NTNG1: variants seen among roughly 807,000 people sequenced by gnomAD.
The protein encoded by NTNG1 is netrin-G1.
In NTNG1, 16 loss-of-function variants were observed where a neutral mutation model predicts 54.0. The observed-to-expected ratio is 0.30, with a 90% CI of 0.20 to 0.45. NTNG1 has a LOEUF of 0.45. NTNG1 is among the 20% of genes least tolerant of loss of function. The pLI is 1.00. For synonymous variants in NTNG1, 255 were observed against 263.1 expected (o/e 0.97, Z 0.30); for missense variants, 530 against 678.7 (o/e 0.78, Z 2.43).
intron 1 of NTNG1, chr1:107,143,365 A>G (rs1159380169): frequency 6.6e-6 from 1 of 152,140 alleles, no homozygotes; most frequent in African/African-American, 2.4e-5. Context: ...GTATATTTGC[A>G]AGTGGTGCAA....
chr1:107,169,519 A>G (rs1297039203), intron 2 of NTNG1, among the ~76,000 whole-genome samples: 1 of 152,026 alleles, frequency 6.6e-6, no homozygotes, highest in African/African-American at 2.4e-5. Context: ...GAAGCACCTC[A>G]AGCAGGAGTA....
intron 7 of NTNG1, among the ~76,000 whole-genome samples, chr1:107,475,715 G>A (rs747987832): frequency 3.3e-5 from 5 of 152,170 alleles, no homozygotes; most frequent in African/African-American, 4.8e-5. Context: ...TATGACTGAT[G>A]CCCTGACCCA....
At chr1:107,456,486 G>A (rs949497579) in intron 7 of NTNG1, among the ~76,000 whole-genome samples, 2 of 152,076 alleles carry the variant, frequency 1.3e-5, no homozygotes, top group Admixed American at 6.5e-5. Context: ...AGTATTGGAG[G>A]ATTACTCCCA....
intron 3 of NTNG1, among the ~76,000 whole-genome samples, chr1:107,373,367 A>C (rs1671041372): frequency 6.6e-6 from 1 of 151,790 alleles, no homozygotes; most frequent in Admixed American, 6.6e-5. Flanking sequence ...TAGTACTTCC[A>C]TTTCTCCCCT....
At chr1:107,294,526 AC>A (rs1291997134) in intron 2 of NTNG1, among the ~76,000 whole-genome samples, 7 of 152,150 alleles carry the variant, frequency 4.6e-5, no homozygotes, top group African/African-American at 1.7e-4. Context: ...CCACTACTAA[AC>A]CTATAATCCG....
intron 2 of NTNG1, among the ~76,000 whole-genome samples, chr1:107,314,792 CTT>C (rs1489020106): frequency 1.3e-4 from 20 of 152,140 alleles, no homozygotes; most frequent in Non-Finnish European, 2.6e-4. Flanking sequence ...CGTGTCCTGA[CTT>C]TTGAGACTTA....
intron 2 of NTNG1, among the ~76,000 whole-genome samples, chr1:107,191,306 C>G (rs993845700): frequency 2.0e-4 from 31 of 152,004 alleles, no homozygotes; most frequent in Non-Finnish European, 2.9e-4. Flanking sequence ...TGTTTGAGTT[C>G]ATTGTAGATT....
At chr1:107,230,831 C>T (rs887264463) in intron 2 of NTNG1, among the ~76,000 whole-genome samples, 5 of 151,950 alleles carry the variant, frequency 3.3e-5, no homozygotes, top group African/African-American at 1.2e-4. Context: ...CACTAGTTGG[C>T]CTTGGTAGAT....
intron 5 of NTNG1, among the ~76,000 whole-genome samples, chr1:107,428,300 T>G (rs1481685650): frequency 1.3e-5 from 2 of 152,154 alleles, no homozygotes; most frequent in African/African-American, 2.4e-5. Context: ...ATTCTCCTCC[T>G]GTTAAATGAA....
At chr1:107,196,941 GGTGT>G (rs142364219) in intron 2 of NTNG1, among the ~76,000 whole-genome samples, 1 of 151,410 alleles carries the variant, frequency 6.6e-6, no homozygotes, top group Non-Finnish European at 1.5e-5. Flanking sequence ...TTCTCGGGCG[GGTGT>G]GTGTGTGTGC....
chr1:107,186,477 T>G (rs1657467700), intron 2 of NTNG1, among the ~76,000 whole-genome samples: 1 of 152,196 alleles, frequency 6.6e-6, no homozygotes, highest in Non-Finnish European at 1.5e-5. Context: ...GAGGCCTAAC[T>G]GGCTCTGCAT....
At chr1:107,461,783 C>T (rs567296030) in intron 7 of NTNG1, among the ~76,000 whole-genome samples, 1 of 152,118 alleles carries the variant, frequency 6.6e-6, no homozygotes, top group African/African-American at 2.4e-5. Context: ...CTGCCCACCT[C>T]AGCCTCCCAA....
chr1:107,367,065 CGTGTGTGTGTGT>C (rs57282130), intron 3 of NTNG1, among the ~76,000 whole-genome samples: 1 of 148,348 alleles, frequency 6.7e-6, no homozygotes, highest in Admixed American at 6.7e-5. Flanking sequence ...TTTATCTGTT[CGTGTGTGTGTGT>C]GTGTGTGTGT....
chr1:107,327,654 A>G (rs1199216314), intron 3 of NTNG1, among the ~76,000 whole-genome samples: 1 of 151,746 alleles, frequency 6.6e-6, no homozygotes, highest in Non-Finnish European at 1.5e-5. Context: ...ATGCCTTTAC[A>G]TGTCTATATC....
rs1422396214 is a variant in NTNG1, at chr1:107,482,923, G to A, written c.*2083G>A. 1 of 152,216 alleles carries A rather than the reference G, an allele frequency of 6.6e-6. No homozygotes were observed. Among genetic ancestry groups the A allele is most frequent in the East Asian group, 1.9e-4 (1 of 5,206 alleles). The allele number at this position is 152,216 out of a possible 1,614,324, so 9.4% of individuals were successfully genotyped here. On this transcript the variant is annotated 3_prime_UTR_variant, in exon 8 of 8. Coordinates refer to ENST00000370068, the MANE Select transcript of NTNG1 (RefSeq NM_001113226.3). ...TGAATGTTTGTTATTCAAACCAACA[G>A]TCTCTTTTGATGTAAGAAATAAGGA...
chr1:107,207,285 T>C (rs1417449722), intron 2 of NTNG1, among the ~76,000 whole-genome samples: 1 of 152,200 alleles, frequency 6.6e-6, no homozygotes, highest in Non-Finnish European at 1.5e-5. Context: ...TCATTTTGCC[T>C]CAAACACTTT....
chr1:107,289,668 A>G (rs1665455136), intron 2 of NTNG1, among the ~76,000 whole-genome samples: 1 of 152,070 alleles, frequency 6.6e-6, no homozygotes, highest in Non-Finnish European at 1.5e-5. Flanking sequence ...TTCTTTCCTA[A>G]GAGACTGTAA....
intron 1 of NTNG1, among the ~76,000 whole-genome samples, chr1:107,144,812 A>G (rs979293031): frequency 6.6e-6 from 1 of 152,002 alleles, no homozygotes; most frequent in Non-Finnish European, 1.5e-5. Context: ...TCTATGGGGT[A>G]CTCACAACCT....
At chr1:107,358,382 A>C (rs923597976) in intron 3 of NTNG1, among the ~76,000 whole-genome samples, 1 of 150,402 alleles carries the variant, frequency 6.6e-6, no homozygotes, top group Non-Finnish European at 1.5e-5. Context: ...TTTGACATCT[A>C]TGACTAGAAT....
Sources: gnomAD v4.1 joint callset for allele counts (sites outside exome capture counted in the v4.1 genomes callset) on GRCh38, gnomAD v4.1.1 for gene constraint, MANE v1.5 for transcripts, NCBI Gene and HGNC (gene_info 2026-07-23, HGNC 2026-07-21) for gene names.